Variants in PUM1 observed in about 807,000 individuals in gnomAD.
The protein encoded by PUM1 is pumilio RNA binding family member 1.
Under a neutral mutation model 131.8 loss-of-function variants are expected in PUM1, and 13 were observed. That is an observed-to-expected ratio of 0.10 (90% CI 0.06 to 0.16). The LOEUF is 0.16. Among genes scored for constraint, PUM1 ranks in the 10% least tolerant of loss-of-function variants. The pLI is 1.00. For synonymous variants in PUM1, 509 were observed against 556.5 expected, an observed-to-expected ratio of 0.91 and a Z score of 1.20; for missense variants, 961 against 1,512.4, an observed-to-expected ratio of 0.64 and a Z score of 6.05.
intron 3 of PUM1, among the ~76,000 whole-genome samples, chr1:31,023,823 A>C (rs1222545586): frequency 2.0e-5 from 3 of 151,146 alleles, no homozygotes; most frequent in Non-Finnish European, 4.4e-5. Flanking sequence ...CAGCCACTCA[A>C]GAGGCTGAAG....
At chr1:31,042,265 C>G (rs1035778106) in intron 2 of PUM1, among the ~76,000 whole-genome samples, 5 of 151,764 alleles carry the variant, frequency 3.3e-5, no homozygotes, top group Non-Finnish European at 7.4e-5. Flanking sequence ...GAGATTGCAC[C>G]ACTGCACTCC....
intron 2 of PUM1, among the ~76,000 whole-genome samples, chr1:31,058,069 A>C (rs1401802929): frequency 6.6e-6 from 1 of 152,210 alleles, no homozygotes; most frequent in African/African-American, 2.4e-5. Context: ...TAGATTAATA[A>C]GACTGAACAT....
At chr1:30,956,840 C>A (rs547106586) in intron 14 of PUM1, among the ~76,000 whole-genome samples, 16 of 152,244 alleles carry the variant, frequency 1.1e-4, no homozygotes, top group African/African-American at 3.9e-4. Context: ...GACAAACCAA[C>A]CCTGAACACT....
chr1:30,997,116 G>A (rs548593671), intron 5 of PUM1, among the ~76,000 whole-genome samples: 2 of 152,146 alleles, frequency 1.3e-5, no homozygotes, highest in Admixed American at 6.5e-5. Context: ...CCACTGCCAC[G>A]CCTAAGTCAT....
chr1:30,953,012 AAAAAC>A (rs966288128), intron 15 of PUM1, among the ~76,000 whole-genome samples: 13 of 150,936 alleles, frequency 8.6e-5, no homozygotes, highest in African/African-American at 3.2e-4. Context: ...ACAAAAAAAC[AAAAAC>A]AAAACAGTAT....
chr1:31,035,811 G>C (rs1459616760), intron 2 of PUM1, among the ~76,000 whole-genome samples: 1 of 151,644 alleles, frequency 6.6e-6, no homozygotes, highest in African/African-American at 2.4e-5. Context: ...ACAAAATATA[G>C]ATAAATCATT....
At chr1:31,026,369 C>CG (rs1643223137) in intron 3 of PUM1, among the ~76,000 whole-genome samples, 1 of 152,086 alleles carries the variant, frequency 6.6e-6, no homozygotes, top group Admixed American at 6.5e-5. Flanking sequence ...CAAAGCCTAA[C>CG]TAAACTAGAA....
At chr1:30,982,638 G>A (rs990639420) in intron 7 of PUM1, among the ~76,000 whole-genome samples, 1 of 152,168 alleles carries the variant, frequency 6.6e-6, no homozygotes, top group African/African-American at 2.4e-5. Context: ...CTCATAAAGA[G>A]ACCTGATTGT....
intron 18 of PUM1, 144 bp downstream of exon 18, chr1:30,945,202 C>G: frequency 4.3e-6 from 4 of 926,946 alleles, no homozygotes; most frequent in Non-Finnish European, 6.4e-6. Context: ...CCACTGCACT[C>G]CAGCCTGGGC....
chr1:30,991,962 G>T (rs961306486), intron 7 of PUM1, among the ~76,000 whole-genome samples: 3 of 152,230 alleles, frequency 2.0e-5, no homozygotes, highest in South Asian at 4.1e-4. Flanking sequence ...TTGTTTAACT[G>T]TAAGACACAA....
In PUM1 at chr1:30,936,652, G is replaced by A; in HGVS notation, c.3426C>T (p.Val1142=). 6.2e-7 allele frequency: 1 copy of A among 1,613,516 alleles called. No homozygotes were observed. The highest frequency in any genetic ancestry group is 8.5e-7 in the Non-Finnish European group (1 of 1,179,650). The change falls in exon 21 of 22, where the codon GTC becomes GTT. Residue 1142 remains valine, a synonymous_variant. Coordinates refer to ENST00000426105, the MANE Select transcript of PUM1 (RefSeq NM_001020658.2). ...DVAEPGQRKI[V]MHKIRPHIAT... is the part of the protein sequence containing the mutation. ...GCCCAGCCCGGCCTACCTTATGCAT[G>A]ACGATCTTCCGCTGGCCTGGCTCCG...
intron 14 of PUM1, among the ~76,000 whole-genome samples, chr1:30,954,581 C>T: frequency 6.6e-6 from 1 of 152,088 alleles, no homozygotes; most frequent in East Asian, 1.9e-4. Flanking sequence ...ACAGGAGATG[C>T]CTTAAAAATG....
At chr1:31,037,230 TCA>T (rs1643639454) in intron 2 of PUM1, 1 of 152,700 alleles carries the variant, frequency 6.5e-6, no homozygotes. Flanking sequence ...GAAAAGTGGA[TCA>T]AAGATCGTAA....
intron 18 of PUM1, among the ~76,000 whole-genome samples, chr1:30,944,626 A>T (rs1434411416): frequency 6.6e-6 from 1 of 152,230 alleles, no homozygotes; most frequent in Non-Finnish European, 1.5e-5. Flanking sequence ...AAAAAATTTA[A>T]GCAAAAAGCA....
chr1:31,000,756 CAATGT>C (rs1642180566), intron 5 of PUM1, among the ~76,000 whole-genome samples: 1 of 152,170 alleles, frequency 6.6e-6, no homozygotes, highest in South Asian at 2.1e-4. Flanking sequence ...AAAACTATAA[CAATGT>C]TAACTAAAAC....
chr1:30,947,973 A>C (rs1020514320), intron 17 of PUM1, among the ~76,000 whole-genome samples: 8 of 148,962 alleles, frequency 5.4e-5, no homozygotes, highest in Non-Finnish European at 1.0e-4. Context: ...CTCCTGCCTT[A>C]GCACCCCAAG....
rs2491137 is a variant in PUM1, at chr1:30,938,948, T to C, written c.3243-2113A>G. Among the ~76,000 whole-genome samples the C allele has an allele frequency of 4.1e-3, 594 of 146,538 alleles. 4 individuals are homozygous for C. Among genetic ancestry groups the C allele is most frequent in the Middle Eastern group, 0.022 (6 of 270 alleles). ...ACAGACAGACAGACAGACAGACAGATAGACAGATAGACAGATACATACATA... is the reference window on the plus strand; with the variant it reads ...ACAGACAGACAGACAGACAGACAGACAGACAGATAGACAGATACATACATA... On this transcript the variant is annotated intron_variant, in intron 20 of 21. Transcript: ENST00000426105.
chr1:31,057,742 A>C (rs1174751772), intron 2 of PUM1, among the ~76,000 whole-genome samples: 1 of 151,630 alleles, frequency 6.6e-6, no homozygotes, highest in Non-Finnish European at 1.5e-5. Flanking sequence ...AAAAAAAAAA[A>C]AAAAACAACT....
intron 1 of PUM1, 82 bp downstream of exon 1, chr1:31,065,534 T>A: frequency 2.9e-6 from 4 of 1,392,368 alleles, no homozygotes; most frequent in Non-Finnish European, 1.9e-6. Flanking sequence ...CCACAACCAC[T>A]CTCAAACACC....
Sources: gnomAD v4.1 joint callset for allele counts (sites outside exome capture counted in the v4.1 genomes callset) on GRCh38, gnomAD v4.1.1 for gene constraint, MANE v1.5 for transcripts, NCBI Gene and HGNC (gene_info 2026-07-23, HGNC 2026-07-21) for gene names.